Variants in MSTO1 observed in about 807,000 individuals in gnomAD.
The protein encoded by MSTO1 is misato mitochondrial distribution and morphology regulator 1, also known as protein misato homolog 1.
MSTO1 carries 24 observed loss-of-function variants against 55.7 expected under a neutral mutation model. That is an observed-to-expected ratio of 0.43 (90% confidence interval 0.31 to 0.61). The LOEUF (loss-of-function observed/expected upper bound fraction) is 0.61, where lower values mean the gene tolerates loss of function less well. Among genes scored for constraint, MSTO1 ranks in the 20% least tolerant of loss-of-function variants. The pLI is 0.09. For missense variants in MSTO1, 363 were observed against 625.7 expected, an observed-to-expected ratio of 0.58 and a Z score of 4.48; for synonymous variants, 162 against 252.8, an observed-to-expected ratio of 0.64 and a Z score of 3.41.
chr1:155,610,130 T>A, upstream of MSTO1: 1 of 915,452 alleles, frequency 1.1e-6, no homozygotes, highest in Non-Finnish European at 1.6e-6. Context: ...TGGGAAAGGA[T>A]GTGTTTGCGG....
At chr1:155,578,831 T>G in the MSTO1 span, among the ~76,000 whole-genome samples, 6 of 148,220 alleles carry the variant, frequency 4.0e-5, no homozygotes, top group African/African-American at 1.2e-4. Flanking sequence ...TTTTTTTGTT[T>G]TTTTTTTTTT....
the MSTO1 span, among the ~76,000 whole-genome samples, chr1:155,600,866 C>T: frequency 2.0e-5 from 3 of 151,082 alleles, no homozygotes; most frequent in African/African-American, 2.4e-5. Context: ...TTAGTAGAGA[C>T]GGGGTTTCAC....
chr1:155,564,426 G>A, the MSTO1 span, among the ~76,000 whole-genome samples: 2 of 151,994 alleles, frequency 1.3e-5, no homozygotes, highest in Admixed American at 1.3e-4. Flanking sequence ...CCTGGGAGGC[G>A]GAGATTGCAG....
the MSTO1 span, among the ~76,000 whole-genome samples, chr1:155,577,218 A>C: frequency 6.6e-6 from 1 of 151,138 alleles, no homozygotes; most frequent in Admixed American, 6.6e-5. Context: ...CCTCCGGAGT[A>C]GCTGGGACTA....
the MSTO1 span, among the ~76,000 whole-genome samples, chr1:155,567,208 C>A: frequency 6.6e-6 from 1 of 151,752 alleles, no homozygotes; most frequent in Admixed American, 6.6e-5. Context: ...ACTGCAACCT[C>A]TGCCTCCCGG....
chr1:155,577,392 C>A, the MSTO1 span, among the ~76,000 whole-genome samples: 1 of 152,064 alleles, frequency 6.6e-6, no homozygotes, highest in Admixed American at 6.6e-5. Context: ...CCGGCCGCCC[C>A]CTCCAAGTTT....
At chr1:155,584,201 C>G in the MSTO1 span, among the ~76,000 whole-genome samples, 1 of 151,992 alleles carries the variant, frequency 6.6e-6, no homozygotes, top group Non-Finnish European at 1.5e-5. Context: ...CCTGTCTCTA[C>G]AAAATATAAA....
Position 155,613,976 on chromosome 1 carries a change from G to A in MSTO1, c.1499-83G>A, listed in dbSNP as rs1489337799. 4.4e-6 allele frequency: 7 copies of A among 1,587,002 alleles called. No homozygotes were observed. The African/African-American group carries it at 6.7e-5, about 15-fold the overall frequency. On this transcript the variant is annotated intron_variant, in intron 13 of 13. Transcript: ENST00000245564. ...TGAGTTTACAATCAAGTCTACTAAG[G>A]TTGGACTTCCTTATCAGTTTGGCAG...
intron 9 of MSTO1, 126 bp downstream of exon 9, chr1:155,612,696 T>A: frequency 7.2e-7 from 1 of 1,386,168 alleles, no homozygotes; most frequent in Non-Finnish European, 9.8e-7. Context: ...TGATGTGGCC[T>A]CTCAGATCAC....
chr1:155,599,923 T>A, the MSTO1 span, among the ~76,000 whole-genome samples: 1 of 152,374 alleles, frequency 6.6e-6, no homozygotes, highest in East Asian at 1.9e-4. Flanking sequence ...CCTCCAGCCC[T>A]AAGGCGGTTT....
upstream of MSTO1, among the ~76,000 whole-genome samples, chr1:155,609,233 A>T (rs1673238905): frequency 1.0e-4 from 5 of 47,758 alleles, no homozygotes; most frequent in Admixed American, 2.1e-4. Flanking sequence ...ATATATATAT[A>T]TATATATATA....
At chr1:155,587,888 C>T in the MSTO1 span, among the ~76,000 whole-genome samples, 3 of 151,914 alleles carry the variant, frequency 2.0e-5, no homozygotes, top group African/African-American at 7.3e-5. Flanking sequence ...TGATAATTCT[C>T]CTTTAATGAA....
intron 5 of MSTO1, 25 bp from the exon 6 acceptor site, chr1:155,611,664 G>A: frequency 8.3e-7 from 1 of 1,206,792 alleles, no homozygotes; most frequent in Non-Finnish European, 1.2e-6. Context: ...ATGGAGAAAG[G>A]TACATTTCCT....
chr1:155,606,198 CTTTTTTTTTTTTTTTTTTTT>C (rs747681932), upstream of MSTO1, among the ~76,000 whole-genome samples: 4 of 28,090 alleles, frequency 1.4e-4, no homozygotes, highest in South Asian at 3.6e-3. Context: ...CATGCCCAGC[CTTTTTTTTTTTTTTTTTTTT>C]TTTTTTTTTT....
At chr1:155,569,296 C>T in the MSTO1 span, among the ~76,000 whole-genome samples, 29 of 139,530 alleles carry the variant, frequency 2.1e-4, no homozygotes, top group East Asian at 8.8e-4. Flanking sequence ...CCACCACGCC[C>T]AGCTAATTTT....
chr1:155,599,406 GTTTT>G, the MSTO1 span, among the ~76,000 whole-genome samples: 2 of 151,956 alleles, frequency 1.3e-5, no homozygotes, highest in Non-Finnish European at 2.9e-5. Context: ...TCACCACGGG[GTTTT>G]TTTTGTTTTT....
the MSTO1 span, among the ~76,000 whole-genome samples, chr1:155,585,916 A>G: frequency 6.6e-6 from 1 of 151,880 alleles, no homozygotes; most frequent in South Asian, 2.1e-4. Context: ...CAAATAATCA[A>G]TGAAGTTTTT....
chr1:155,596,148 A>T, the MSTO1 span, among the ~76,000 whole-genome samples: 1 of 152,230 alleles, frequency 6.6e-6, no homozygotes, highest in South Asian at 2.1e-4. Flanking sequence ...TGATCTCAGC[A>T]GGGTGTGTTT....
the MSTO1 span, among the ~76,000 whole-genome samples, chr1:155,584,067 G>A: frequency 6.6e-6 from 1 of 152,138 alleles, no homozygotes; most frequent in African/African-American, 2.4e-5. Flanking sequence ...GGAGTGCTTT[G>A]GCGTCTTCAT....
Sources: allele counts gnomAD v4.1 joint callset (sites outside exome capture counted in the v4.1 genomes callset), GRCh38; gene constraint gnomAD v4.1.1; transcripts MANE v1.5; gene names NCBI Gene and HGNC (gene_info 2026-07-23, HGNC 2026-07-21).